Variants in LRRC4C observed in about 807,000 individuals in gnomAD.
LRRC4C encodes the protein leucine-rich repeat-containing protein 4C.
In LRRC4C, 5 loss-of-function variants were observed where a neutral mutation model predicts 33.6. The observed-to-expected ratio is 0.15, with a 90% CI of 0.08 to 0.31. The LOEUF (loss-of-function observed/expected upper bound fraction) is 0.31, where lower values mean the gene tolerates loss of function less well. Among genes scored for constraint, LRRC4C ranks in the 10% least tolerant of loss-of-function variants. LRRC4C has a pLI of 1.00. For synonymous variants in LRRC4C, 329 were observed against 302.0 expected, an observed-to-expected ratio of 1.09 and a Z score of -0.93; for missense variants, 560 against 796.7, an observed-to-expected ratio of 0.70 and a Z score of 3.58.
At chr11:40,948,771 TG>T (rs1316323350) in intron 1 of LRRC4C, among the ~76,000 whole-genome samples, 1 of 150,032 alleles carries the variant, frequency 6.7e-6, no homozygotes, top group African/African-American at 2.4e-5. Context: ...CTATCATTGT[TG>T]GACATTTGGG....
chr11:40,627,923 G>T (rs1366348651), intron 3 of LRRC4C, among the ~76,000 whole-genome samples: 1 of 152,052 alleles, frequency 6.6e-6, no homozygotes, highest in Non-Finnish European at 1.5e-5. Context: ...GTCCTATGTT[G>T]GTTTTTTGGA....
intron 3 of LRRC4C, among the ~76,000 whole-genome samples, chr11:40,488,479 C>CCCTGCTACAAA (rs1555078877): frequency 2.6e-5 from 4 of 151,986 alleles, no homozygotes; most frequent in Admixed American, 1.3e-4. Context: ...AGTACATCAA[C>CCCTGCTACAAA]CTTTGCTTAG....
intron 4 of LRRC4C, among the ~76,000 whole-genome samples, chr11:40,256,210 T>C (rs924245833): frequency 6.6e-6 from 1 of 152,190 alleles, no homozygotes; most frequent in East Asian, 1.9e-4. Flanking sequence ...TAGAAAACAA[T>C]CCACTCTTTT....
intron 1 of LRRC4C, among the ~76,000 whole-genome samples, chr11:41,164,464 A>T (rs1222893582): frequency 6.6e-6 from 1 of 152,194 alleles, no homozygotes; most frequent in East Asian, 1.9e-4. Context: ...CTCTAAAATA[A>T]TAATAAAAAG....
intron 1 of LRRC4C, among the ~76,000 whole-genome samples, chr11:41,316,804 C>T (rs1484392335): frequency 1.9e-4 from 29 of 152,238 alleles, no homozygotes; most frequent in Admixed American, 1.9e-3. Context: ...TTCACCACCA[C>T]TCTCTTTTTC....
At chr11:40,599,147 C>A (rs983537092) in intron 3 of LRRC4C, among the ~76,000 whole-genome samples, 14 of 152,080 alleles carry the variant, frequency 9.2e-5, no homozygotes, top group African/African-American at 3.4e-4. Flanking sequence ...GCTCAAATGT[C>A]CCCTCAGAAG....
chr11:41,307,339 C>T (rs936604708), intron 1 of LRRC4C, among the ~76,000 whole-genome samples: 5 of 152,206 alleles, frequency 3.3e-5, no homozygotes, highest in South Asian at 2.1e-4. Context: ...AACCATGGCA[C>T]GTCAGGAGCC....
At chr11:40,500,055 T>C (rs1311585203) in intron 3 of LRRC4C, among the ~76,000 whole-genome samples, 4 of 151,946 alleles carry the variant, frequency 2.6e-5, no homozygotes, top group Non-Finnish European at 5.9e-5. Context: ...ATATCTGCAA[T>C]AAAACCTGAT....
chr11:40,938,665 A>G (rs1374847837), intron 1 of LRRC4C, among the ~76,000 whole-genome samples: 1 of 152,198 alleles, frequency 6.6e-6, no homozygotes, highest in Non-Finnish European at 1.5e-5. Flanking sequence ...CTAAGGCACA[A>G]GGTAGTGAAG....
intron 1 of LRRC4C, among the ~76,000 whole-genome samples, chr11:41,160,886 A>G (rs1271061856): frequency 6.6e-6 from 1 of 152,150 alleles, no homozygotes; most frequent in Admixed American, 6.6e-5. Context: ...TTATGAAGAA[A>G]AGTTTTGTTT....
intron 3 of LRRC4C, among the ~76,000 whole-genome samples, chr11:40,572,014 T>G (rs1958001094): frequency 6.6e-6 from 1 of 152,132 alleles, no homozygotes; most frequent in Admixed American, 6.6e-5. Context: ...TACCACAGGG[T>G]TTCCGTATTC....
At position 40,599,907 on chromosome 11, in the gene LRRC4C, G is replaced by A. The variant is rs117628055; in HGVS notation, c.-270+48235C>T. ...ATGTCAAATATCCTCTGGGCACAAC[G>A]GCAACAATGTTAAGTGATTAGAGTA... On this transcript the variant is annotated intron_variant, in intron 3 of 6. Transcript: ENST00000528697. Among the ~76,000 whole-genome samples, 397 of 152,246 alleles carry A rather than the reference G, an allele frequency of 2.6e-3. 2 individuals carry two copies. Among genetic ancestry groups the A allele is most frequent in the Non-Finnish European group, 3.7e-3 (253 of 68,016 alleles).
chr11:41,072,436 G>A (rs1938771429), intron 1 of LRRC4C, among the ~76,000 whole-genome samples: 1 of 151,918 alleles, frequency 6.6e-6, no homozygotes, highest in Non-Finnish European at 1.5e-5. Context: ...TAATGGGGGT[G>A]GACTTCCCCC....
At chr11:40,733,563 T>A (rs1947713611) in intron 2 of LRRC4C, among the ~76,000 whole-genome samples, 1 of 152,184 alleles carries the variant, frequency 6.6e-6, no homozygotes, top group South Asian at 2.1e-4. Flanking sequence ...ATTATGAGTT[T>A]CCTGAATCAT....
rs376413812 is a variant in LRRC4C, at chr11:40,574,380, G to A, written c.-270+73762C>T. The stretch of plus-strand genomic sequence containing the variant: ...GGAAGCTGGCTTAAGAGGTGCCCAT[G>A]TATCCTAAATGTATTTGATTGTTGT... On this transcript the variant is annotated intron_variant, in intron 3 of 6. Coordinates refer to ENST00000528697, the MANE Select transcript of LRRC4C (RefSeq NM_001258419.2). Among the ~76,000 whole-genome samples the A allele has an allele frequency of 7.2e-5, 11 of 152,226 alleles. No homozygotes were observed. In the East Asian group the frequency reaches 7.7e-4, roughly 11 times the overall value.
At chr11:41,181,544 C>A (rs1001670609) in intron 1 of LRRC4C, among the ~76,000 whole-genome samples, 1 of 152,068 alleles carries the variant, frequency 6.6e-6, no homozygotes. Context: ...TTGTTATTAC[C>A]CTAATGAGTT....
chr11:40,987,682 ATATATATATC>A (rs1853162768), intron 1 of LRRC4C, among the ~76,000 whole-genome samples: 1 of 40,988 alleles, frequency 2.4e-5, no homozygotes, highest in African/African-American at 8.2e-5. Flanking sequence ...AATGATATAT[ATATATATATC>A]TCATATATAT....
At chr11:40,448,300 G>A (rs1270716650) in intron 3 of LRRC4C, among the ~76,000 whole-genome samples, 2 of 152,100 alleles carry the variant, frequency 1.3e-5, no homozygotes, top group Non-Finnish European at 1.5e-5. Context: ...TGTGCAGAAC[G>A]TGCAGGTTTG....
At chr11:40,136,395 T>C (rs1460162439) in intron 6 of LRRC4C, among the ~76,000 whole-genome samples, 3 of 151,354 alleles carry the variant, frequency 2.0e-5, no homozygotes, top group Non-Finnish European at 4.4e-5. Context: ...GCCTCCCGAG[T>C]AGCTGGGACT....
Sources: allele counts gnomAD v4.1 joint callset (sites outside exome capture counted in the v4.1 genomes callset), GRCh38; gene constraint gnomAD v4.1.1; transcripts MANE v1.5; gene names NCBI Gene and HGNC (gene_info 2026-07-23, HGNC 2026-07-21).